The following FHDC1 variants were observed in gnomAD, a reference collection of about 807,000 sequenced individuals.
The protein encoded by FHDC1 is FH2 domain containing 1, also known as FH2 domain-containing protein 1.
A neutral mutation model predicts 52.6 loss-of-function variants in FHDC1; 25 were observed. The observed-to-expected ratio is 0.48, with a 90% CI of 0.35 to 0.66. FHDC1 has a LOEUF of 0.66. FHDC1 is among the 30% of genes least tolerant of loss of function. FHDC1 has a pLI of 0.01. For synonymous variants in FHDC1, 616 were observed against 581.5 expected (o/e 1.06, Z -0.85); for missense variants, 1,459 against 1,452.8 (o/e 1.00, Z -0.07).
intron 1 of FHDC1, among the ~76,000 whole-genome samples, chr4:152,939,052 TC>T (rs1739500334): frequency 6.6e-6 from 1 of 152,194 alleles, no homozygotes; most frequent in Non-Finnish European, 1.5e-5. Flanking sequence ...TTGGCTCCCT[TC>T]AAGAGACTAG....
chr4:152,942,081 G>A (rs780706180), intron 1 of FHDC1, among the ~76,000 whole-genome samples: 2 of 152,146 alleles, frequency 1.3e-5, no homozygotes, highest in African/African-American at 2.4e-5. Flanking sequence ...GTGTATAAGG[G>A]ACATGTGGCA....
chr4:152,934,672 C>T (rs895259046), upstream of FHDC1, among the ~76,000 whole-genome samples: 2 of 152,086 alleles, frequency 1.3e-5, no homozygotes, highest in Non-Finnish European at 2.9e-5. Flanking sequence ...TTGTTACTGT[C>T]CTCAAAGGAA....
chr4:152,939,028 T>A (rs1034448262), intron 1 of FHDC1, among the ~76,000 whole-genome samples: 1 of 152,152 alleles, frequency 6.6e-6, no homozygotes, highest in East Asian at 1.9e-4. Context: ...ATGAAGCCTA[T>A]ATACTCTTTT....
chr4:152,958,943 A>G (rs1415583391), intron 4 of FHDC1, among the ~76,000 whole-genome samples: 1 of 152,232 alleles, frequency 6.6e-6, no homozygotes, highest in Admixed American at 6.5e-5. Flanking sequence ...CAGACTTAAT[A>G]CTAGGGTGTG....
chr4:152,962,775 A>C (rs761093535), intron 6 of FHDC1, 39 bp from the exon 7 acceptor site: 2 of 1,546,640 alleles, frequency 1.3e-6, no homozygotes, highest in South Asian at 2.2e-5. Context: ...TTGAAACTGA[A>C]GGCATCTCTA....
rs1346494686 is a variant in FHDC1, at chr4:152,960,629, A to G, written c.728A>G (p.Tyr243Cys). 2.5e-6 allele frequency: 4 copies of G among 1,613,992 alleles called. No individual in the cohort carries two copies. Among genetic ancestry groups the G allele is most frequent in the Non-Finnish European group, 3.4e-6 (4 of 1,180,022 alleles). The change falls in exon 5 of 12, where the codon TAT becomes TGT. Residue 243 changes from tyrosine (Y) to cysteine (C), a missense_variant. Tyr to Cys is a radical substitution (Grantham distance 194). Transcript: ENST00000511601. ...SKLSLADSFL[Y>C]GLIQVPNYSL... ...CTGTCTCTGGCAGATTCCTTTCTGT[A>G]TGGCTTAATTCAGGTGCCAAAGTAA...
intron 8 of FHDC1, 91 bp from the exon 9 acceptor site, chr4:152,964,814 G>C (rs1374308889): frequency 8.0e-6 from 8 of 996,838 alleles, no homozygotes; most frequent in Non-Finnish European, 1.2e-5. Flanking sequence ...AAAAACAGGA[G>C]CAGTGATTTT....
Position 152,976,807 on chromosome 4 carries a change from T to C in FHDC1, c.*84T>C. 7.0e-7 allele frequency: 1 copy of C among 1,429,316 alleles called. No homozygotes were observed. Among genetic ancestry groups the C allele is most frequent in the Admixed American group, 2.9e-5 (1 of 34,850 alleles). 88.5% of individuals were successfully genotyped at this position (1,429,316 alleles called of 1,614,324 possible). Reference sequence around the variant, plus strand: ...CGAGGATGGGGAAAGAGGCAGCATGTCTTTGTTACAGATAAAGCAGCCACT... The same window carrying C: ...CGAGGATGGGGAAAGAGGCAGCATGCCTTTGTTACAGATAAAGCAGCCACT... On this transcript the variant is annotated 3_prime_UTR_variant, in exon 12 of 12. Transcript: ENST00000511601.
rs1280605091 is a variant in FHDC1, at chr4:152,963,028, G to A, written c.927G>A (p.Gly309=). The change falls in exon 8 of 12, where the codon GGG becomes GGA. Residue 309 remains glycine, a synonymous_variant. Coordinates refer to ENST00000511601, the MANE Select transcript of FHDC1 (RefSeq NM_001371116.1). ...TTTTGATTTGTCTTCTTTAGGGAGG[G>A]TATGCCGGCAATGCAGTAGGATTTA... The part of the protein sequence containing the change: ...LQAGNIMNAG[G]YAGNAVGFKL... The A allele has an allele frequency of 6.2e-7, 1 of 1,613,166 alleles. No individual in the cohort carries two copies. The highest frequency in any genetic ancestry group is 1.1e-5 in the South Asian group (1 of 91,054).
Position 152,976,689 on chromosome 4 carries a change from C to T in FHDC1, c.3398C>T (p.Thr1133Met). Residue 1133 changes from threonine (T) to methionine (M), a missense_variant, in exon 12 of 12, where the codon ACG becomes ATG. By Grantham distance (81) the Thr-to-Met change is moderately conservative. Coordinates refer to ENST00000511601, the MANE Select transcript of FHDC1 (RefSeq NM_001371116.1). The stretch of plus-strand genomic sequence containing the variant: ...CGTCGGAAGGACTCCAGTCGGACCA[C>T]GCTGGGGAGAATCCTCAATCCCTTA... ...SLRRKDSSRT[T>M]LGRILNPLRK is the part of the protein sequence containing the mutation. 3 of 1,517,390 alleles carry T rather than the reference C, an allele frequency of 2.0e-6. No homozygotes were observed. Among genetic ancestry groups the T allele is most frequent in the Non-Finnish European group, 2.6e-6 (3 of 1,132,670 alleles). 94.0% of individuals were successfully genotyped at this position (1,517,390 alleles called of 1,614,324 possible).
upstream of FHDC1, among the ~76,000 whole-genome samples, chr4:152,934,598 G>GGGTT (rs1218448480): frequency 6.6e-6 from 1 of 152,198 alleles, no homozygotes; most frequent in African/African-American, 2.4e-5. Context: ...ACATCTGGAT[G>GGGTT]GGTTCAGTTT....
At chr4:152,937,415 G>A (rs1739417456) in intron 1 of FHDC1, among the ~76,000 whole-genome samples, 1 of 152,132 alleles carries the variant, frequency 6.6e-6, no homozygotes, top group Non-Finnish European at 1.5e-5. Flanking sequence ...CCCCCGCAGA[G>A]GGGCTGGCGC....
Position 152,954,271 on chromosome 4 carries a change from A to C in FHDC1, c.615A>C (p.Gly205=), listed in dbSNP as rs1165686612. ...DIHQGKSEHY[G]SETLREFLKF... ...ATCAAGGAAAAAGTGAGCATTATGG[A>C]TCAGAGACCTTGCGAGAATTTCTTA... The change falls in exon 4 of 12, where the codon GGA becomes GGC. Residue 205 remains glycine (G), a synonymous_variant. Transcript: ENST00000511601. 1 of 1,614,076 alleles carries C rather than the reference A, an allele frequency of 6.2e-7. No individual in the cohort carries two copies. The highest frequency in any genetic ancestry group is 1.3e-5 in the African/African-American group (1 of 74,952).
intron 4 of FHDC1, among the ~76,000 whole-genome samples, chr4:152,959,369 A>G (rs1342902726): frequency 6.6e-6 from 1 of 151,882 alleles, no homozygotes; most frequent in Non-Finnish European, 1.5e-5. Context: ...ACTCTCACCT[A>G]TTTGCTTTTT....
At chr4:152,966,220 T>G (rs1163030030) in intron 9 of FHDC1, among the ~76,000 whole-genome samples, 1 of 152,218 alleles carries the variant, frequency 6.6e-6, no homozygotes, top group Admixed American at 6.5e-5. Flanking sequence ...AGATATTGTC[T>G]TAGAAAAATC....
intron 11 of FHDC1, 109 bp downstream of exon 11, chr4:152,972,650 C>T (rs961750390): frequency 1.0e-5 from 13 of 1,292,576 alleles, no homozygotes; most frequent in South Asian, 3.1e-5. Flanking sequence ...TCCACGGTTT[C>T]GGGGACATCT....
rs1466116884 is a variant in FHDC1 at position 152,949,112 on chromosome 4, TAATAATAATAATAAG to T, written c.499-4384_499-4370del. On this transcript the variant is annotated intron_variant, in intron 2 of 11. Coordinates refer to ENST00000511601, the MANE Select transcript of FHDC1 (RefSeq NM_001371116.1). ...TCAGTAATAATAATAATAATAATAA[TAATAATAATAATAAG>T]AAGAAGAAGAAGAAGAAGAAGAAGA... Among the ~76,000 whole-genome samples, 199 of 79,962 alleles carry T rather than the reference TAATAATAATAATAAG, an allele frequency of 2.5e-3. 1 individual carries two copies. The highest frequency in any genetic ancestry group is 6.4e-3 in the African/African-American group (131 of 20,616). The allele number at this position is 79,962 out of a possible 152,430, so 52.5% of individuals were successfully genotyped here. A position where few individuals can be genotyped will look rare whatever the true frequency, so the allele number is the denominator to read the frequency against.
At chr4:152,944,313 C>T (rs1342262958) in intron 2 of FHDC1, among the ~76,000 whole-genome samples, 1 of 151,386 alleles carries the variant, frequency 6.6e-6, no homozygotes. Flanking sequence ...AGTTTAGAAA[C>T]TTGAAGAAAC....
intron 9 of FHDC1, 79 bp from the exon 10 acceptor site, chr4:152,967,901 C>G (rs918712458): frequency 9.9e-7 from 1 of 1,009,294 alleles, no homozygotes; most frequent in Admixed American, 2.1e-5. Flanking sequence ...GGTTGAACAA[C>G]AGTTAGTCTT....
Sources: allele counts gnomAD v4.1 joint callset (sites outside exome capture counted in the v4.1 genomes callset), GRCh38; gene constraint gnomAD v4.1.1; transcripts MANE v1.5; gene names NCBI Gene and HGNC (gene_info 2026-07-23, HGNC 2026-07-21).